The following ELP3 variants were observed in gnomAD, a reference collection of about 807,000 sequenced individuals.
ELP3 encodes the protein elongator complex protein 3.
Under a neutral mutation model 74.9 loss-of-function variants are expected in ELP3, and 56 were observed. That is an observed-to-expected ratio of 0.75 (90% CI 0.60 to 0.93). The LOEUF (loss-of-function observed/expected upper bound fraction) is 0.93. Among genes scored for constraint, ELP3 ranks in the 40% least tolerant of loss-of-function variants. The pLI, the probability that ELP3 is intolerant of heterozygous loss-of-function variation, is 0.00. For synonymous variants in ELP3, 222 were observed against 239.8 expected (o/e 0.93, Z 0.68); for missense variants, 573 against 686.5 (o/e 0.83, Z 1.85).
chr8:28,091,954 A>G (rs760106453), upstream of ELP3, among the ~76,000 whole-genome samples: 2 of 152,232 alleles, frequency 1.3e-5, no homozygotes, highest in Non-Finnish European at 2.9e-5. Flanking sequence ...CAAAGTAAAC[A>G]TAGAGGAAGG....
intron 10 of ELP3, among the ~76,000 whole-genome samples, chr8:28,146,927 G>A (rs1446719719): frequency 6.6e-6 from 1 of 152,218 alleles, no homozygotes; most frequent in Non-Finnish European, 1.5e-5. Flanking sequence ...GAATGCCTCT[G>A]TTACCAGGTC....
rs1021281378 is a variant in ELP3 at position 28,129,598 on chromosome 8, T to G, written c.714T>G (p.Tyr238Ter). 1 of 1,614,110 alleles carries G rather than the reference T, an allele frequency of 6.2e-7. No homozygotes were observed. Among genetic ancestry groups the G allele is most frequent in the Non-Finnish European group, 8.5e-7 (1 of 1,180,034 alleles). ...GACATTTAAGTGACATGTTGACCTA[T>G]GGCTGCACAAGGCTGGAGATTGGGG... ...MKRHLSDMLTYGCTRLEIGVQ... is the reference protein window; with the variant it reads ...MKRHLSDMLT The change falls in exon 8 of 15, where the codon TAT (tyrosine) becomes TAG (stop). Residue 238 changes from tyrosine (Y) to a stop codon, truncating the protein, a stop_gained. Transcript: ENST00000256398. LOFTEE classifies it high-confidence loss of function.
chr8:28,142,496 G>A (rs564910783), intron 10 of ELP3, among the ~76,000 whole-genome samples: 2 of 152,342 alleles, frequency 1.3e-5, no homozygotes, highest in East Asian at 3.9e-4. Flanking sequence ...TCACACATAG[G>A]TGGGTGGATT....
chr8:28,092,835 C>T (rs543539465), upstream of ELP3: 38 of 276,036 alleles, frequency 1.4e-4, 1 homozygote, highest in Admixed American at 1.7e-3. Flanking sequence ...CACTCCCCCC[C>T]ATGAGAGACC....
At chr8:28,127,571 C>T (rs1165785450) in intron 7 of ELP3, among the ~76,000 whole-genome samples, 1 of 151,988 alleles carries the variant, frequency 6.6e-6, no homozygotes, top group African/African-American at 2.4e-5. Flanking sequence ...TTCCCTCAAA[C>T]CCAATAATTG....
At chr8:28,178,479 C>A (rs183434969) in intron 14 of ELP3, among the ~76,000 whole-genome samples, 1 of 152,296 alleles carries the variant, frequency 6.6e-6, no homozygotes, top group Admixed American at 6.5e-5. Flanking sequence ...CTCAACATTG[C>A]TGTAAGATTG....
At chr8:28,172,883 T>G (rs967229208) in intron 14 of ELP3, among the ~76,000 whole-genome samples, 1 of 152,070 alleles carries the variant, frequency 6.6e-6, no homozygotes, top group African/African-American at 2.4e-5. Context: ...TTTTCTGCAT[T>G]TGAGCTGATT....
chr8:28,148,175 ATAC>A (rs1280545101), intron 10 of ELP3, among the ~76,000 whole-genome samples: 2 of 152,178 alleles, frequency 1.3e-5, no homozygotes, highest in Non-Finnish European at 2.9e-5. Context: ...CATTGGTGTA[ATAC>A]TACAGTACTA....
chr8:28,145,178 G>A (rs1211127719), intron 10 of ELP3, among the ~76,000 whole-genome samples: 1 of 152,236 alleles, frequency 6.6e-6, no homozygotes, highest in Admixed American at 6.5e-5. Flanking sequence ...TGTTTATACA[G>A]CATCAAGTGG....
intron 2 of ELP3, among the ~76,000 whole-genome samples, chr8:28,098,092 T>A (rs553490224): frequency 2.6e-5 from 4 of 152,196 alleles, no homozygotes; most frequent in African/African-American, 9.6e-5. Context: ...AATCCAACCC[T>A]CCCCTGCTGT....
intron 10 of ELP3, among the ~76,000 whole-genome samples, chr8:28,139,581 C>G (rs940712115): frequency 6.6e-6 from 1 of 151,632 alleles, no homozygotes; most frequent in Non-Finnish European, 1.5e-5. Flanking sequence ...ATTTTTTTTT[C>G]TTGTCATTAC....
chr8:28,110,505 T>G (rs1264134584), intron 6 of ELP3, 67 bp downstream of exon 6: 1 of 1,263,466 alleles, frequency 7.9e-7, no homozygotes, highest in African/African-American at 1.5e-5. Flanking sequence ...CCATTGTTGC[T>G]TGATTCAAAT....
chr8:28,124,839 G>A (rs1812510729), intron 7 of ELP3, among the ~76,000 whole-genome samples: 2 of 152,166 alleles, frequency 1.3e-5, no homozygotes. Flanking sequence ...TTCATAGGTA[G>A]TACTCATTTT....
intron 10 of ELP3, among the ~76,000 whole-genome samples, chr8:28,139,742 C>T (rs547235075): frequency 3.3e-5 from 5 of 152,194 alleles, no homozygotes; most frequent in African/African-American, 2.4e-5. Flanking sequence ...GTCAGGAGTT[C>T]GAGACCAGCC....
At chr8:28,108,800 A>G (rs999916100) in intron 5 of ELP3, among the ~76,000 whole-genome samples, 2 of 152,172 alleles carry the variant, frequency 1.3e-5, no homozygotes, top group Non-Finnish European at 2.9e-5. Context: ...GTAAAGAAAC[A>G]AGAAAAAGTA....
rs187705896 is a variant in ELP3 at position 28,149,287 on chromosome 8, T to C, written c.1101-6655T>C. Among the ~76,000 whole-genome samples the C allele has an allele frequency of 1.6e-3, 246 of 152,340 alleles. 2 individuals are homozygous for C. Among genetic ancestry groups the C allele is most frequent in the East Asian group, 4.8e-3 (25 of 5,194 alleles). On this transcript the variant is annotated intron_variant, in intron 10 of 14. Coordinates refer to ENST00000256398, the MANE Select transcript of ELP3 (RefSeq NM_018091.6). The stretch of plus-strand genomic sequence containing the variant: ...AAGAACTACTAAGAAGTATTCCCTC[T>C]GCTTCTGTCCTCTGAAAGAGATTGT...
intron 11 of ELP3, among the ~76,000 whole-genome samples, chr8:28,157,956 T>C (rs550445526): frequency 1.3e-5 from 2 of 151,674 alleles, no homozygotes; most frequent in Admixed American, 1.3e-4. Context: ...TACATAGCTC[T>C]AGGTTCCTCC....
In ELP3 at chr8:28,137,805, G is replaced by C. The variant is rs1237502495; in HGVS notation, c.1014G>C (p.Lys338Asn). The change falls in exon 10 of 15, where the codon AAG (lysine) becomes AAC (asparagine). Residue 338 changes from lysine (K) to asparagine (N), a missense_variant. Transcript: ENST00000256398. ...AGCTTTGGAAATCAGGAAGATATAA[G>C]AGTTACTCTCCTAGTGACCTGGTTG... ...LYELWKSGRY[K>N]SYSPSDLVEL... 2 of 1,613,982 alleles carry C rather than the reference G, an allele frequency of 1.2e-6. No homozygotes were observed. The highest frequency in any genetic ancestry group is 1.7e-5 in the Admixed American group (1 of 59,994).
Position 28,132,154 on chromosome 8 carries a change from G to C in ELP3, c.780-124G>C, listed in dbSNP as rs1442482730. ...ATATGATTTTGGTTATGGAACTTCT[G>C]TTACCTGTCTCAGAGATTGTTTTCC... On this transcript the variant is annotated intron_variant, in intron 8 of 14. Coordinates refer to ENST00000256398, the MANE Select transcript of ELP3 (RefSeq NM_018091.6). 2.8e-6 allele frequency: 3 copies of C among 1,056,152 alleles called. No homozygotes were observed. In the African/African-American group the frequency reaches 4.8e-5, roughly 17 times the overall value. 65.4% of individuals were successfully genotyped at this position (1,056,152 alleles called of 1,614,324 possible).
Sources: allele counts gnomAD v4.1 joint callset (sites outside exome capture counted in the v4.1 genomes callset), GRCh38; gene constraint gnomAD v4.1.1; transcripts MANE v1.5; gene names NCBI Gene and HGNC (gene_info 2026-07-23, HGNC 2026-07-21).